The following ARHGEF10 variants were observed in gnomAD, a reference collection of about 807,000 sequenced individuals.
The protein encoded by ARHGEF10 is Rho guanine nucleotide exchange factor 10.
ARHGEF10 carries 140 observed loss-of-function variants against 147.4 expected under a neutral mutation model. That is an observed-to-expected ratio of 0.95 (90% CI 0.83 to 1.09). The LOEUF is 1.09. ARHGEF10 is among the 50% of genes least tolerant of loss of function. ARHGEF10 has a pLI of 0.00. For missense variants in ARHGEF10, 2,222 were observed against 1,752.7 expected (o/e 1.27, Z -4.78); for synonymous variants, 902 against 695.8 (o/e 1.30, Z -4.67).
intron 1 of ARHGEF10, among the ~76,000 whole-genome samples, chr8:1,841,934 T>C (rs1166648635): frequency 6.1e-5 from 5 of 82,074 alleles, no homozygotes; most frequent in African/African-American, 1.9e-4. Context: ...CGGCGGGAAC[T>C]GGGGCCGCGA....
intron 20 of ARHGEF10, 57 bp downstream of exon 20, chr8:1,923,652 C>G (rs961429877): frequency 3.7e-6 from 6 of 1,613,974 alleles, no homozygotes; most frequent in Non-Finnish European, 5.1e-6. Flanking sequence ...GAAAATGGTT[C>G]TTTGTCATGA....
chr8:1,938,733 C>T (rs1813826156), intron 26 of ARHGEF10, among the ~76,000 whole-genome samples: 1 of 152,138 alleles, frequency 6.6e-6, no homozygotes, highest in African/African-American at 2.4e-5. Flanking sequence ...GCTAGGAGTT[C>T]AAGGCCAGCC....
chr8:1,955,865 C>T (rs553559924), intron 28 of ARHGEF10, among the ~76,000 whole-genome samples: 44 of 152,366 alleles, frequency 2.9e-4, no homozygotes, highest in Non-Finnish European at 1.2e-4. Flanking sequence ...GTGTGTGCTT[C>T]GCCAGGTGAT....
intron 2 of ARHGEF10, among the ~76,000 whole-genome samples, chr8:1,846,597 A>T (rs924305391): frequency 2.0e-5 from 3 of 151,188 alleles, no homozygotes; most frequent in Non-Finnish European, 4.4e-5. Flanking sequence ...TTTTTTTTTG[A>T]GACGGAGTCT....
rs555660759 is a variant in ARHGEF10 at position 1,885,577 on chromosome 8, A to G, written c.1076-24A>G. On this transcript the variant is annotated intron_variant, in intron 10 of 28. Coordinates refer to ENST00000349830, the MANE Select transcript of ARHGEF10 (RefSeq NM_014629.4). ...AATATATTATTTGAATGTAAAATTCATGCATTTTGACTTTTTTTTTAAGAT... is the reference window on the plus strand; with the variant it reads ...AATATATTATTTGAATGTAAAATTCGTGCATTTTGACTTTTTTTTTAAGAT... 25 of 1,497,716 alleles carry G rather than the reference A, an allele frequency of 1.7e-5. No individual in the cohort carries two copies. In the East Asian group the frequency reaches 5.4e-4, roughly 32 times the overall value. 92.8% of individuals were successfully genotyped at this position (1,497,716 alleles called of 1,614,324 possible). A position where few individuals can be genotyped will look rare whatever the true frequency, so the allele number is the denominator to read the frequency against.
chr8:1,910,210 A>T (rs1301893188), intron 18 of ARHGEF10, among the ~76,000 whole-genome samples: 4 of 152,238 alleles, frequency 2.6e-5, no homozygotes, highest in African/African-American at 9.6e-5. Context: ...AACCTTTCAT[A>T]GGTTAAATAT....
chr8:1,867,504 G>A (rs1406082559), intron 6 of ARHGEF10, among the ~76,000 whole-genome samples: 1 of 152,134 alleles, frequency 6.6e-6, no homozygotes, highest in African/African-American at 2.4e-5. Flanking sequence ...TAAACCTGTA[G>A]GATTATGTCC....
At chr8:1,870,141 G>T (rs758763166) in intron 7 of ARHGEF10, 1 of 151,954 alleles carries the variant, frequency 6.6e-6, no homozygotes, top group Non-Finnish European at 1.5e-5. Flanking sequence ...CGGAGCCCCA[G>T]CCAGTGCCGA....
intron 15 of ARHGEF10, among the ~76,000 whole-genome samples, chr8:1,898,940 A>G (rs937642684): frequency 6.6e-6 from 1 of 152,252 alleles, no homozygotes; most frequent in Non-Finnish European, 1.5e-5. Flanking sequence ...CTCTGTGCCC[A>G]GAGGGGATGG....
In ARHGEF10 at chr8:1,928,570, TG is replaced by T; in HGVS notation, c.2845del (p.Ala949HisfsTer10). The T allele has an allele frequency of 6.2e-7, 1 of 1,614,198 alleles. No homozygotes were observed. Among genetic ancestry groups the T allele is most frequent in the Non-Finnish European group, 8.5e-7 (1 of 1,180,040 alleles). On this transcript the variant is annotated frameshift_variant, in exon 24 of 29. Coordinates refer to ENST00000349830, the MANE Select transcript of ARHGEF10 (RefSeq NM_014629.4). LOFTEE classifies it high-confidence loss of function. Reference sequence around the variant, plus strand: ...CCGTCGAGGAGAAGCGCAGAGAGCCTGGGGCACCCCCGGACCCCGAGACCCC... The same window carrying T: ...CCGTCGAGGAGAAGCGCAGAGAGCCTGGGCACCCCCGGACCCCGAGACCCC... ...VPVEEKRREP[G>X]APPDPETPAV...
At chr8:1,947,979 T>G (rs1814732869) in intron 27 of ARHGEF10, among the ~76,000 whole-genome samples, 1 of 152,040 alleles carries the variant, frequency 6.6e-6, no homozygotes, top group Admixed American at 6.5e-5. Context: ...CCTTGCCGGC[T>G]GCTCAGGTCG....
chr8:1,929,450 C>T lies in ARHGEF10; in HGVS notation c.3079+7C>T, dbSNP rs371739569. On this transcript the variant is annotated splice_region_variant and intron_variant, in intron 25 of 28. Transcript: ENST00000349830. Reference sequence around the variant, plus strand: ...AGCTACGCCAGAGCCCCAGGTGAGGCGGGTCTCACGGCCTCCTGGCCGGTC... The same window carrying T: ...AGCTACGCCAGAGCCCCAGGTGAGGTGGGTCTCACGGCCTCCTGGCCGGTC... The T allele has an allele frequency of 8.1e-6, 13 of 1,601,280 alleles. No homozygotes were observed. The African/African-American group carries it at 9.4e-5, about 12-fold the overall frequency.
chr8:1,946,142 C>T (rs186690980), intron 27 of ARHGEF10, among the ~76,000 whole-genome samples: 3 of 152,276 alleles, frequency 2.0e-5, no homozygotes, highest in Admixed American at 1.3e-4. Context: ...AAGGCCATTA[C>T]ACATTGAGTT....
chr8:1,875,633 C>T (rs1171509442), intron 7 of ARHGEF10, among the ~76,000 whole-genome samples: 3 of 152,218 alleles, frequency 2.0e-5, no homozygotes, highest in Admixed American at 2.0e-4. Context: ...CCTGCCAGAA[C>T]TTTTAATCAG....
At chr8:1,841,859 AACTGGGGCCGCGGCGGGAACTGG>A (rs2129049622) in intron 1 of ARHGEF10, among the ~76,000 whole-genome samples, 1 of 108,492 alleles carries the variant, frequency 9.2e-6, no homozygotes, top group African/African-American at 3.4e-5. Flanking sequence ...CCGCGGCGGG[AACTGGGGCCGCGGCGGGAACTGG>A]GGCCGCGGCG....
intron 13 of ARHGEF10, among the ~76,000 whole-genome samples, chr8:1,894,947 C>T (rs999963208): frequency 6.6e-6 from 1 of 152,230 alleles, no homozygotes; most frequent in East Asian, 1.9e-4. Flanking sequence ...AGCCCTCACA[C>T]AGGTTCTCTT....
In ARHGEF10 at chr8:1,909,395, G is replaced by C; in HGVS notation, c.2068G>C (p.Gly690Arg). ...CGCCATCGAGTATGGCAGCAGCGCA[G>C]GCACGGGCGAGCACAGCAGGCACCT... The part of the protein sequence containing the change: ...VDAIEYGSSA[G>R]TGEHSRHLAV... Residue 690 changes from glycine (G) to arginine (R), a missense_variant, in exon 18 of 29, where the codon GGC (glycine) becomes CGC (arginine). Physicochemically the swap from Gly to Arg is moderately radical, Grantham distance 125. Coordinates refer to ENST00000349830, the MANE Select transcript of ARHGEF10 (RefSeq NM_014629.4). 1.2e-6 allele frequency: 2 copies of C among 1,614,162 alleles called. No homozygotes were observed. The highest frequency in any genetic ancestry group is 1.7e-6 in the Non-Finnish European group (2 of 1,180,046).
intron 22 of ARHGEF10, 71 bp from the exon 23 acceptor site, chr8:1,926,306 A>C: frequency 8.0e-7 from 1 of 1,243,328 alleles, no homozygotes; most frequent in Non-Finnish European, 1.2e-6. Context: ...TCATCCATTT[A>C]AGACGTTATG....
At chr8:1,899,057 A>G (rs1343943248) in intron 15 of ARHGEF10, among the ~76,000 whole-genome samples, 1 of 152,252 alleles carries the variant, frequency 6.6e-6, no homozygotes, top group Non-Finnish European at 1.5e-5. Flanking sequence ...AACACTGTCC[A>G]CTGGACCCTC....
Sources: gnomAD v4.1 joint callset for allele counts (sites outside exome capture counted in the v4.1 genomes callset) on GRCh38, gnomAD v4.1.1 for gene constraint, MANE v1.5 for transcripts, NCBI Gene and HGNC (gene_info 2026-07-23, HGNC 2026-07-21) for gene names.